SIVA1: variants seen among roughly 807,000 people sequenced by gnomAD.
SIVA1 encodes the protein SIVA1 apoptosis inducing factor.
A neutral mutation model predicts 19.7 loss-of-function variants in SIVA1; 10 were observed. The ratio of observed to expected loss-of-function variants is 0.51; its 90% CI spans 0.31 to 0.86. The LOEUF (loss-of-function observed/expected upper bound fraction) is 0.86. Among genes scored for constraint, SIVA1 ranks in the 40% least tolerant of loss-of-function variants. SIVA1 has a pLI of 0.04. For missense variants in SIVA1, 241 were observed against 245.2 expected, an observed-to-expected ratio of 0.98 and a Z score of 0.11; for synonymous variants, 130 against 106.1, an observed-to-expected ratio of 1.23 and a Z score of -1.39.
Position 104,753,159 on chromosome 14 carries a change from G to A in SIVA1, c.-43G>A, listed in dbSNP as rs1321593590. Reference sequence around the variant, plus strand: ...GTGACGTCACGGCGTCGTTGGTAAGGGGCTGGCGGCCGGGGAGCTGCGTAG... The same window carrying A: ...GTGACGTCACGGCGTCGTTGGTAAGAGGCTGGCGGCCGGGGAGCTGCGTAG... On this transcript the variant is annotated 5_prime_UTR_variant, in exon 1 of 4. Transcript: ENST00000329967. 7.5e-7 allele frequency: 1 copy of A among 1,335,518 alleles called. No individual in the cohort carries two copies. Among genetic ancestry groups the A allele is most frequent in the South Asian group, 1.2e-5 (1 of 80,924 alleles). The allele number at this position is 1,335,518 out of a possible 1,614,324, so 82.7% of individuals were successfully genotyped here. A position where few individuals can be genotyped will look rare whatever the true frequency, so the allele number is the denominator to read the frequency against.
chr14:104,755,328 G>A (rs555028665), intron 1 of SIVA1, among the ~76,000 whole-genome samples: 31 of 152,352 alleles, frequency 2.0e-4, no homozygotes, highest in African/African-American at 7.0e-4. Flanking sequence ...GTGAATTGCA[G>A]AAAATGAGCC....
chr14:104,759,340 G>A lies in SIVA1; in HGVS notation c.471-88G>A. The A allele has an allele frequency of 8.9e-7, 1 of 1,122,138 alleles. No individual in the cohort carries two copies. The highest frequency in any genetic ancestry group is 1.3e-6 in the Non-Finnish European group (1 of 760,408). The allele number at this position is 1,122,138 out of a possible 1,614,324, so 69.5% of individuals were successfully genotyped here. A position where few individuals can be genotyped will look rare whatever the true frequency, so the allele number is the denominator to read the frequency against. On this transcript the variant is annotated intron_variant, in intron 3 of 3. Coordinates refer to ENST00000329967, the MANE Select transcript of SIVA1 (RefSeq NM_006427.4). The surrounding 1 kb of genome is among the most constrained non-coding windows in gnomAD (Gnocchi z 4.2). ...TCATGTCCTGAGGTGTTCTGGGTTA[G>A]GACTTTGACGTTTGAATGGTGGGGG...
chr14:104,756,743 CCT>C lies in SIVA1; in HGVS notation c.454_455del (p.Leu152ValfsTer8). ...GGGGCTGCGGCTCCGTGGCCTGTAC[CCT>C]GTGTGGCCTCGTGGAGTAAGTACTT... is the stretch of plus-strand genomic sequence containing the variant. Reference protein sequence around the residue: ...CWGCGSVACTLCGLVDCSDMY... With the variant: ...CWGCGSVACTXCGLVDCSDMY... On this transcript the variant is annotated frameshift_variant, in exon 3 of 4. Transcript: ENST00000329967. LOFTEE classifies it high-confidence loss of function. The C allele has an allele frequency of 1.2e-6, 2 of 1,612,378 alleles. No homozygotes were observed. The highest frequency in any genetic ancestry group is 2.7e-5 in the African/African-American group (2 of 75,034).
At chr14:104,757,198 C>A in intron 3 of SIVA1, 1 of 362,026 alleles carries the variant, frequency 2.8e-6, no homozygotes, top group South Asian at 2.0e-5. Flanking sequence ...TGTAGTCTCC[C>A]ATTTGTGGGT....
chr14:104,753,721 C>T (rs1330882137), intron 1 of SIVA1: 3 of 442,914 alleles, frequency 6.8e-6, no homozygotes, highest in Admixed American at 4.9e-5. Context: ...AAGAGTGCCC[C>T]TCCTGTCCCA....
At position 104,753,575 on chromosome 14, in the gene SIVA1, C is replaced by T. The variant is rs563339349; in HGVS notation, c.118+256C>T. The T allele has an allele frequency of 6.1e-4, 320 of 521,870 alleles. 2 individuals carry two copies. The highest frequency in any genetic ancestry group is 4.9e-3 in the Middle Eastern group (13 of 2,680). 32.3% of individuals were successfully genotyped at this position (521,870 alleles called of 1,614,324 possible). A position where few individuals can be genotyped will look rare whatever the true frequency, so the allele number is the denominator to read the frequency against. ...GAAAAGGGTCCCTGCCCCTAGCCCC[C>T]GCGCCCTCTTCCACGATCCCGGTTA... On this transcript the variant is annotated intron_variant, in intron 1 of 3. Coordinates refer to ENST00000329967, the MANE Select transcript of SIVA1 (RefSeq NM_006427.4).
At chr14:104,756,035 A>G (rs1891876223) in intron 2 of SIVA1, 1 of 678,898 alleles carries the variant, frequency 1.5e-6, no homozygotes, top group African/African-American at 1.8e-5. Flanking sequence ...TACTGGGCCA[A>G]AAAAGCAGCA....
intron 1 of SIVA1, 68 bp downstream of exon 1, chr14:104,753,387 C>T (rs751128191): frequency 2.2e-5 from 23 of 1,046,864 alleles, no homozygotes; most frequent in East Asian, 1.4e-4. Context: ...CCTCAGCGTC[C>T]CCTCTGAGGC....
At chr14:104,754,294 T>C (rs560618658) in intron 1 of SIVA1, among the ~76,000 whole-genome samples, 342 of 152,184 alleles carry the variant, frequency 2.2e-3, no homozygotes, top group African/African-American at 7.9e-3. Context: ...CGCTTGTGCC[T>C]TGGGAATGAG....
chr14:104,755,902 G>A lies in SIVA1; in HGVS notation c.313+78G>A, dbSNP rs549063982. 11 of 1,391,004 alleles carry A rather than the reference G, an allele frequency of 7.9e-6. No individual in the cohort carries two copies. The South Asian group carries it at 1.1e-4, about 14-fold the overall frequency. 86.2% of individuals were successfully genotyped at this position (1,391,004 alleles called of 1,614,324 possible). ...CACGAGCATTTTTCTTGATTTGCAAGGTCAGGCTTTTCCTCCCTGGGTAAG... is the reference window on the plus strand; with the variant it reads ...CACGAGCATTTTTCTTGATTTGCAAAGTCAGGCTTTTCCTCCCTGGGTAAG... On this transcript the variant is annotated intron_variant, in intron 2 of 3. Coordinates refer to ENST00000329967, the MANE Select transcript of SIVA1 (RefSeq NM_006427.4).
Position 104,759,486 on chromosome 14 carries a change from G to A in SIVA1, c.*1G>A, listed in dbSNP as rs370091956. 45 of 1,610,156 alleles carry A rather than the reference G, an allele frequency of 2.8e-5. No homozygotes were observed. Among genetic ancestry groups the A allele is most frequent in the Admixed American group, 1.5e-4 (9 of 59,986 alleles). On this transcript the variant is annotated 3_prime_UTR_variant, in exon 4 of 4. Transcript: ENST00000329967. This position sits in a 1 kb window ranked among gnomAD's most constrained non-coding sequence, Gnocchi z 4.2. Reference sequence around the variant, plus strand: ...CAGCTGTGCCATGTTCGAGACCTGAGGCTGGCTCAAGCCGGCTGCCTTCAC... The same window carrying A: ...CAGCTGTGCCATGTTCGAGACCTGAAGCTGGCTCAAGCCGGCTGCCTTCAC...
chr14:104,758,102 C>G (rs1040490128), intron 3 of SIVA1: 8 of 152,410 alleles, frequency 5.2e-5, no homozygotes, highest in Admixed American at 6.5e-5. Flanking sequence ...TCTCCTACCC[C>G]CTCCCCTGCC....
At chr14:104,755,870 G>T in intron 2 of SIVA1, 46 bp downstream of exon 2, 1 of 1,547,376 alleles carries the variant, frequency 6.5e-7, no homozygotes, top group Non-Finnish European at 8.9e-7. Flanking sequence ...CTGAGGGCAG[G>T]TGGTGGCACG....
intron 3 of SIVA1, chr14:104,757,417 C>T: frequency 3.4e-6 from 1 of 291,262 alleles, no homozygotes; most frequent in South Asian, 2.6e-5. Flanking sequence ...CTGAAATTGT[C>T]CATCTAAAAT....
Position 104,753,240 on chromosome 14 carries a change from G to A in SIVA1, c.39G>A (p.Pro13=). The A allele has an allele frequency of 6.3e-7, 1 of 1,591,226 alleles. No individual in the cohort carries two copies. ...KRSCPFADVA[P]LQLKVRVSQR... The stretch of plus-strand genomic sequence containing the variant: ...GCTGCCCCTTCGCGGACGTGGCCCC[G>A]CTACAGCTCAAGGTCCGCGTGAGCC... Residue 13 remains proline (P), a synonymous_variant, in exon 1 of 4, where the codon CCG becomes CCA. Coordinates refer to ENST00000329967, the MANE Select transcript of SIVA1 (RefSeq NM_006427.4).
At chr14:104,753,733 G>A (rs1329557778) in intron 1 of SIVA1, 2 of 449,828 alleles carry the variant, frequency 4.4e-6, no homozygotes, top group African/African-American at 4.0e-5. Flanking sequence ...CCTGTCCCAA[G>A]AGGTATTCAT....
chr14:104,756,718 G>T lies in SIVA1; in HGVS notation c.428G>T (p.Trp143Leu). The T allele has an allele frequency of 1.2e-6, 2 of 1,614,002 alleles. No individual in the cohort carries two copies. Among genetic ancestry groups the T allele is most frequent in the South Asian group, 2.2e-5 (2 of 91,052 alleles). ...TGCGGGCAGTGTGTGCGCACCTGCT[G>T]GGGCTGCGGCTCCGTGGCCTGTACC... ...ALCGQCVRTCWGCGSVACTLC... is the reference protein window; with the variant it reads ...ALCGQCVRTCLGCGSVACTLC... The change falls in exon 3 of 4, where the codon TGG (tryptophan) becomes TTG (leucine). Residue 143 changes from tryptophan (W) to leucine (L), a missense_variant. By Grantham distance (61) the Trp-to-Leu change is moderately conservative. Transcript: ENST00000329967.
At chr14:104,757,141 C>T (rs558291042) in intron 3 of SIVA1, 6 of 336,222 alleles carry the variant, frequency 1.8e-5, no homozygotes, top group Non-Finnish European at 2.9e-5. Context: ...CACAGTCATG[C>T]GTGCCGTTTG....
At chr14:104,756,295 C>T in intron 2 of SIVA1, 1 of 493,914 alleles carries the variant, frequency 2.0e-6, no homozygotes, top group Non-Finnish European at 3.7e-6. Flanking sequence ...ACATGGAGTT[C>T]TGACAAGCAA....
Sources: gnomAD v4.1 joint callset for allele counts (sites outside exome capture counted in the v4.1 genomes callset) on GRCh38, gnomAD v4.1.1 for gene constraint, Gnocchi (gnomAD v3.1) non-coding constraint, MANE v1.5 for transcripts, NCBI Gene and HGNC (gene_info 2026-07-23, HGNC 2026-07-21) for gene names.